Variants in NTRK2 observed in about 807,000 individuals in gnomAD.
NTRK2 encodes the protein BDNF/NT-3 growth factors receptor.
NTRK2 carries 13 observed loss-of-function variants against 94.5 expected under a neutral mutation model. The observed-to-expected ratio is 0.14, with a 90% CI of 0.09 to 0.22. NTRK2 has a LOEUF of 0.22. NTRK2 is among the 10% of genes least tolerant of loss of function. The probability of loss-of-function intolerance (pLI) is 1.00; values close to 1 mark genes in which losing one functional copy is unlikely to be tolerated. For synonymous variants in NTRK2, 372 were observed against 407.4 expected, an observed-to-expected ratio of 0.91 and a Z score of 1.05; for missense variants, 639 against 1,071.2, an observed-to-expected ratio of 0.60 and a Z score of 5.63.
chr9:84,916,557 G>A (rs887069232), intron 14 of NTRK2, among the ~76,000 whole-genome samples: 2 of 152,164 alleles, frequency 1.3e-5, no homozygotes, highest in African/African-American at 4.8e-5. Flanking sequence ...CAGGCGGGAA[G>A]CTCATTCCAG....
At chr9:84,806,803 C>T (rs72737693) in intron 12 of NTRK2, among the ~76,000 whole-genome samples, 10 of 152,378 alleles carry the variant, frequency 6.6e-5, no homozygotes, top group Admixed American at 1.3e-4. Flanking sequence ...TCACATCTCA[C>T]TTTGTGATGG....
At chr9:84,872,238 C>T in intron 14 of NTRK2, 1 of 1,128,462 alleles carries the variant, frequency 8.9e-7, no homozygotes, top group Non-Finnish European at 1.1e-6. Flanking sequence ...GCTTTCCTTT[C>T]CTTGACTGCT....
intron 12 of NTRK2, among the ~76,000 whole-genome samples, chr9:84,826,118 G>C (rs1388074546): frequency 6.6e-6 from 1 of 152,210 alleles, no homozygotes; most frequent in South Asian, 2.1e-4. Flanking sequence ...TGAACCAGGG[G>C]CTGCCATAAC....
chr9:84,675,918 C>A (rs2059023761), intron 2 of NTRK2, among the ~76,000 whole-genome samples: 1 of 152,024 alleles, frequency 6.6e-6, no homozygotes, highest in African/African-American at 2.4e-5. Context: ...TCTGGGGTGT[C>A]CAAAGGACTG....
chr9:84,786,017 G>A (rs544238624), intron 12 of NTRK2, among the ~76,000 whole-genome samples: 1 of 152,222 alleles, frequency 6.6e-6, no homozygotes, highest in African/African-American at 2.4e-5. Flanking sequence ...AAATCCTTTG[G>A]CAACATGACC....
intron 12 of NTRK2, among the ~76,000 whole-genome samples, chr9:84,860,316 G>A (rs919614070): frequency 6.6e-6 from 1 of 152,140 alleles, no homozygotes; most frequent in Non-Finnish European, 1.5e-5. Context: ...CTTTATTCAC[G>A]GGAGGCTCTC....
Position 84,677,521 on chromosome 9 carries a change from C to T in NTRK2, c.212+6561C>T, listed in dbSNP as rs376086635. Among the ~76,000 whole-genome samples the T allele has an allele frequency of 1.2e-4, 19 of 152,222 alleles. No homozygotes were observed. In the East Asian group the frequency reaches 3.1e-3, roughly 25 times the overall value. ...GTGAAGGGCCCTTTACAGACATCTG[C>T]TTATTTAGGTTTACAGCCTCACTCT... is the stretch of plus-strand genomic sequence containing the variant. On this transcript the variant is annotated intron_variant, in intron 2 of 18. Transcript: ENST00000277120.
At chr9:84,979,158 G>A (rs1827269834) in intron 17 of NTRK2, among the ~76,000 whole-genome samples, 1 of 152,232 alleles carries the variant, frequency 6.6e-6, no homozygotes, top group Non-Finnish European at 1.5e-5. Context: ...TTTAAGAATT[G>A]TAAGGTAATA....
chr9:84,814,326 G>A (rs1378206546), intron 12 of NTRK2: 7 of 1,065,154 alleles, frequency 6.6e-6, no homozygotes, highest in Admixed American at 5.3e-5. Context: ...TAAATAGCTC[G>A]AAGAGCTGAA....
chr9:84,801,346 A>T (rs1279122352), intron 12 of NTRK2, among the ~76,000 whole-genome samples: 1 of 152,248 alleles, frequency 6.6e-6, no homozygotes, highest in East Asian at 1.9e-4. Context: ...ATCCTTTAGC[A>T]CGAAATGCGT....
intron 15 of NTRK2, among the ~76,000 whole-genome samples, chr9:84,938,211 T>A (rs1033479145): frequency 6.6e-6 from 1 of 152,206 alleles, no homozygotes; most frequent in Admixed American, 6.5e-5. Flanking sequence ...GATTTTTGCT[T>A]TTCATGTTTC....
chr9:84,802,384 A>C (rs1213984570), intron 12 of NTRK2, among the ~76,000 whole-genome samples: 1 of 152,222 alleles, frequency 6.6e-6, no homozygotes, highest in African/African-American at 2.4e-5. Context: ...AAGAATTATG[A>C]AGGGACTTCC....
intron 17 of NTRK2, among the ~76,000 whole-genome samples, chr9:85,001,095 C>T (rs1475214655): frequency 6.6e-6 from 1 of 152,176 alleles, no homozygotes. Context: ...TAGTTTAAAA[C>T]TTTATTCTTA....
intron 11 of NTRK2, among the ~76,000 whole-genome samples, chr9:84,747,164 C>T (rs747775789): frequency 2.0e-5 from 3 of 152,016 alleles, no homozygotes; most frequent in Non-Finnish European, 4.4e-5. Flanking sequence ...TGCAGTGCAA[C>T]TGCAACTTTA....
chr9:84,736,535 A>G (rs954103467), intron 9 of NTRK2, among the ~76,000 whole-genome samples: 2 of 152,104 alleles, frequency 1.3e-5, no homozygotes, highest in Non-Finnish European at 2.9e-5. Flanking sequence ...GCTTTATACT[A>G]TTTGTTCCTT....
intron 12 of NTRK2, among the ~76,000 whole-genome samples, chr9:84,772,258 A>T (rs1394164428): frequency 1.3e-5 from 2 of 149,230 alleles, no homozygotes; most frequent in Admixed American, 1.3e-4. Context: ...CCTATAAACA[A>T]TTTTTTTTTT....
chr9:84,872,318 A>G (rs1355402018), intron 14 of NTRK2: 17 of 1,105,202 alleles, frequency 1.5e-5, no homozygotes, highest in Non-Finnish European at 1.9e-5. Context: ...GAAACAAAAC[A>G]TACTAACCAG....
intron 14 of NTRK2, among the ~76,000 whole-genome samples, chr9:84,891,011 A>G (rs2076578281): frequency 6.6e-6 from 1 of 152,222 alleles, no homozygotes; most frequent in African/African-American, 2.4e-5. Context: ...TTAGTGGCTT[A>G]AAATAAGAAC....
intron 4 of NTRK2, among the ~76,000 whole-genome samples, chr9:84,702,805 T>C (rs1376554533): frequency 1.3e-5 from 2 of 152,258 alleles, no homozygotes; most frequent in East Asian, 3.8e-4. Flanking sequence ...TTGGCCTTTA[T>C]AGGGAAATAA....
Sources: gnomAD v4.1 joint callset for allele counts (sites outside exome capture counted in the v4.1 genomes callset) on GRCh38, gnomAD v4.1.1 for gene constraint, MANE v1.5 for transcripts, NCBI Gene and HGNC (gene_info 2026-07-23, HGNC 2026-07-21) for gene names.